The following EDA variants were observed in gnomAD, a reference collection of about 807,000 sequenced individuals.
EDA encodes ectodysplasin-A.
EDA carries 2 observed loss-of-function variants against 23.6 expected under a neutral mutation model. The observed-to-expected ratio is 0.08, with a 90% CI of 0.03 to 0.27. The LOEUF is 0.27. Among genes scored for constraint, EDA ranks in the 10% least tolerant of loss-of-function variants. The pLI is 1.00. For missense variants in EDA, 229 were observed against 324.2 expected, an observed-to-expected ratio of 0.71 and a Z score of 2.26; for synonymous variants, 131 against 132.0, an observed-to-expected ratio of 0.99 and a Z score of 0.05.
intron 1 of EDA, among the ~76,000 whole-genome samples, chrX:69,855,869 TA>T (rs2017235228): frequency 1.8e-5 from 2 of 111,889 alleles, no homozygotes; most frequent in Admixed American, 1.9e-4. Flanking sequence ...AATGGTAGTT[TA>T]TTTTTTTGCT....
At chrX:69,975,233 G>T (rs1274607446) in intron 2 of EDA, among the ~76,000 whole-genome samples, 1 of 112,072 alleles carries the variant, frequency 8.9e-6, no homozygotes, top group Non-Finnish European at 1.9e-5. Flanking sequence ...ATCAATGGCA[G>T]ATTGGATAAA....
At chrX:69,712,537 C>T (rs981576319) in intron 1 of EDA, among the ~76,000 whole-genome samples, 3 of 111,109 alleles carry the variant, frequency 2.7e-5, no homozygotes, top group Admixed American at 1.9e-4. Flanking sequence ...ATTAGAATGG[C>T]GATCATTAAA....
chrX:69,905,014 A>G (rs1268379486), intron 1 of EDA, among the ~76,000 whole-genome samples: 2 of 112,422 alleles, frequency 1.8e-5, no homozygotes, highest in Non-Finnish European at 3.8e-5. Context: ...TCTTCAATAT[A>G]CTGATTTCAT....
intron 1 of EDA, among the ~76,000 whole-genome samples, chrX:69,681,322 G>A (rs932381387): frequency 2.5e-4 from 27 of 108,704 alleles, no homozygotes; most frequent in African/African-American, 8.4e-4. Flanking sequence ...TTCTCGAGGA[G>A]TATCTTTGTG....
chrX:69,737,793 G>A (rs186404360), intron 1 of EDA, among the ~76,000 whole-genome samples: 1 of 111,216 alleles, frequency 9.0e-6, no homozygotes, highest in Non-Finnish European at 1.9e-5. Context: ...GCCTGAAAAG[G>A]TCTTTTTAAA....
intron 1 of EDA, among the ~76,000 whole-genome samples, chrX:69,782,385 A>AC (rs1436593475): frequency 1.6e-3 from 165 of 103,541 alleles, no homozygotes; most frequent in African/African-American, 5.5e-3. Context: ...AAAAAAAAAA[A>AC]AAAAAAACAT....
intron 1 of EDA, among the ~76,000 whole-genome samples, chrX:69,909,348 G>A (rs1477611010): frequency 1.8e-5 from 2 of 112,337 alleles, no homozygotes; most frequent in Admixed American, 1.9e-4. Context: ...CCAGGCTAGA[G>A]TGTAGGAGCT....
rs928890428 is a variant in EDA, at chrX:69,668,775, G to A, written c.396+52071G>A. On this transcript the variant is annotated intron_variant, in intron 1 of 7. Coordinates refer to ENST00000374552, the MANE Select transcript of EDA (RefSeq NM_001399.5). ...TATTTTGAGTAGATGGGGTTTCACCGTGTTAGCCAGGATGAACTCTTGATC... is the reference window on the plus strand; with the variant it reads ...TATTTTGAGTAGATGGGGTTTCACCATGTTAGCCAGGATGAACTCTTGATC... 1.0e-3 allele frequency among the ~76,000 whole-genome samples: 57 copies of A among 55,288 alleles called. No individual in the cohort carries two copies. In the Middle Eastern group the frequency reaches 0.019, roughly 18 times the overall value. 48.0% of individuals were successfully genotyped at this position (55,288 alleles called of 115,157 possible).
chrX:69,781,421 A>G (rs1322425843), intron 1 of EDA, among the ~76,000 whole-genome samples: 1 of 111,594 alleles, frequency 9.0e-6, no homozygotes, highest in Non-Finnish European at 1.9e-5. Flanking sequence ...TCTGTAAATA[A>G]AGTTTTATTG....
At chrX:69,942,158 T>C (rs2018767586) in intron 1 of EDA, among the ~76,000 whole-genome samples, 1 of 111,890 alleles carries the variant, frequency 8.9e-6, no homozygotes, top group Admixed American at 9.5e-5. Flanking sequence ...CTTGAAAAGT[T>C]GTCATAGTTA....
At chrX:69,627,782 CTG>C (rs1932441184) in intron 1 of EDA, among the ~76,000 whole-genome samples, 1 of 111,787 alleles carries the variant, frequency 8.9e-6, no homozygotes, top group Admixed American at 9.5e-5. Context: ...ATGAACACCA[CTG>C]TGGAATACCA....
At chrX:69,888,668 A>G (rs1202981) in intron 1 of EDA, among the ~76,000 whole-genome samples, 19,773 of 107,693 alleles carry the variant, frequency 0.18, 1,469 homozygotes, top group Non-Finnish European at 0.23. Context: ...CAGACAAAAT[A>G]GACTTTAAGT....
intron 2 of EDA, among the ~76,000 whole-genome samples, chrX:69,982,864 G>C (rs909653967): frequency 4.9e-4 from 36 of 73,678 alleles, no homozygotes; most frequent in Middle Eastern, 5.5e-3. Flanking sequence ...GGGTGTTAAA[G>C]TCTCCCATTA....
At chrX:69,691,316 C>T (rs1037347741) in intron 1 of EDA, among the ~76,000 whole-genome samples, 1 of 111,937 alleles carries the variant, frequency 8.9e-6, no homozygotes, top group Non-Finnish European at 1.9e-5. Flanking sequence ...TTGTACCTTT[C>T]AGTAAATGCT....
At chrX:70,020,163 A>G (rs749463198) in intron 2 of EDA, among the ~76,000 whole-genome samples, 23 of 112,010 alleles carry the variant, frequency 2.1e-4, no homozygotes, top group Non-Finnish European at 3.6e-4. Flanking sequence ...AAAGATTATT[A>G]GGTTTAACTA....
At chrX:69,738,218 T>A in intron 1 of EDA, among the ~76,000 whole-genome samples, 1 of 111,146 alleles carries the variant, frequency 9.0e-6, no homozygotes, top group East Asian at 2.8e-4. Context: ...TTTCTCTCTA[T>A]GCTTCATTTT....
intron 1 of EDA, among the ~76,000 whole-genome samples, chrX:69,873,557 G>T (rs2017598638): frequency 8.9e-6 from 1 of 112,289 alleles, no homozygotes; most frequent in African/African-American, 3.2e-5. Context: ...AATGAAATGG[G>T]AAATATTACA....
At chrX:69,655,787 T>TATATATATATATATATATATA (rs6151315) in intron 1 of EDA, among the ~76,000 whole-genome samples, 190 of 88,220 alleles carry the variant, frequency 2.2e-3, no homozygotes, top group East Asian at 3.8e-3. Flanking sequence ...TATATATATA[T>TATATATATATATATATATATA]TGCACTTTGT....
At chrX:69,907,146 A>G (rs1184424840) in intron 1 of EDA, among the ~76,000 whole-genome samples, 2 of 112,183 alleles carry the variant, frequency 1.8e-5, no homozygotes, top group Non-Finnish European at 3.8e-5. Flanking sequence ...ACAAAAGCAT[A>G]TTTCAGAAAT....
Sources: allele counts gnomAD v4.1 joint callset (sites outside exome capture counted in the v4.1 genomes callset), GRCh38; gene constraint gnomAD v4.1.1; transcripts MANE v1.5; gene names NCBI Gene and HGNC (gene_info 2026-07-23, HGNC 2026-07-21).